The following CROCC2 variants were observed in gnomAD, a reference collection of about 807,000 sequenced individuals.
CROCC2 encodes ciliary rootlet coiled-coil, rootletin family member 2.
Under a neutral mutation model 177.6 loss-of-function variants are expected in CROCC2, and 163 were observed. The observed-to-expected ratio is 0.92, with a 90% CI of 0.81 to 1.05. CROCC2 has a LOEUF of 1.05. Among genes scored for constraint, CROCC2 ranks in the 50% least tolerant of loss-of-function variants. CROCC2 has a pLI of 0.00. For synonymous variants in CROCC2, 904 were observed against 787.3 expected (o/e 1.15, Z -2.48); for missense variants, 1,929 against 1,797.8 (o/e 1.07, Z -1.32).
rs773829040 is a variant in CROCC2 at position 240,989,720 on chromosome 2, C to T, written c.4750C>T (p.Arg1584Trp). 1.2e-5 allele frequency: 18 copies of T among 1,550,376 alleles called. No individual in the cohort carries two copies. The highest frequency in any genetic ancestry group is 1.1e-4 in the South Asian group (9 of 84,050). ...RLQDLTAQHQ[R>W]DLATEAERLH... is the part of the protein sequence containing the mutation. ...CCAGGACCTGACAGCTCAGCACCAG[C>T]GGGACCTGGCCACAGAGGCAGAGCG... Residue 1584 changes from arginine (R) to tryptophan (W), a missense_variant, in exon 30 of 32, where the codon CGG becomes TGG. This residue lies in a region of CROCC2 where 388 missense variants were observed against 352.7 expected (regional missense o/e 1.10). Coordinates refer to ENST00000690015, the MANE Select transcript of CROCC2 (RefSeq NM_001351305.2).
intron 27 of CROCC2, among the ~76,000 whole-genome samples, chr2:240,975,540 G>A (rs950831195): frequency 2.0e-5 from 3 of 152,162 alleles, no homozygotes; most frequent in African/African-American, 4.8e-5. Context: ...TGGATTTGGC[G>A]AGTGTTTATG....
rs997238475 is a variant in CROCC2, at chr2:240,960,603, G to T, written c.3087+1159G>T. On this transcript the variant is annotated intron_variant, in intron 20 of 31. Transcript: ENST00000690015. This position sits in a 1 kb window ranked among gnomAD's most constrained non-coding sequence, Gnocchi z 5.0. ...GCCCCAGCGGGGCCCACGGGGACGG[G>T]GCGACCTCGCACACTCCCTGGGCTG... 1.3e-5 allele frequency among the ~76,000 whole-genome samples: 2 copies of T among 152,138 alleles called. No individual in the cohort carries two copies. Among genetic ancestry groups the T allele is most frequent in the Admixed American group, 1.3e-4 (2 of 15,284 alleles).
In CROCC2 at chr2:240,959,364, A is replaced by G; in HGVS notation, c.3007A>G (p.Thr1003Ala). The change falls in exon 20 of 32, where the codon ACA (threonine) becomes GCA (alanine). Residue 1003 changes from threonine (T) to alanine (A), a missense_variant. This residue lies in a region of CROCC2 where 1,397 missense variants were observed against 1,239.9 expected (regional missense o/e 1.13). Transcript: ENST00000690015. ...CCAGGCCCAGTTTGAGGATGCCATC[A>G]CAGCCCATCAGAGGGAGACCACGGC... is the stretch of plus-strand genomic sequence containing the variant. ...ALQAQFEDAI[T>A]AHQRETTALR... is the part of the protein sequence containing the mutation. 1 of 1,550,576 alleles carries G rather than the reference A, an allele frequency of 6.4e-7. No homozygotes were observed. Among genetic ancestry groups the G allele is most frequent in the Non-Finnish European group, 8.7e-7 (1 of 1,146,980 alleles).
intron 14 of CROCC2, among the ~76,000 whole-genome samples, chr2:240,939,015 A>G (rs2059483543): frequency 6.6e-6 from 1 of 152,048 alleles, no homozygotes; most frequent in African/African-American, 2.4e-5. Context: ...TTCTTATCTT[A>G]TTGCACTAAG....
At position 240,933,700 on chromosome 2, in the gene CROCC2, G is replaced by T; in HGVS notation, c.1494G>T (p.Glu498Asp). The part of the protein sequence containing the change: ...REKAALEMVV[E>D]ELKGKADAAD... ...AGGCTGCTCTGGAGATGGTGGTGGA[G>T]GAGCTGAAAGGGAAGGCAGATGCTG... The change falls in exon 11 of 32, where the codon GAG (glutamate) becomes GAT (aspartate). Residue 498 changes from glutamate (E) to aspartate (D), a missense_variant. This residue lies in a region of CROCC2 where 1,397 missense variants were observed against 1,239.9 expected (regional missense o/e 1.13). Transcript: ENST00000690015. 6.5e-7 allele frequency: 1 copy of T among 1,550,382 alleles called. No homozygotes were observed. Among genetic ancestry groups the T allele is most frequent in the Non-Finnish European group, 8.7e-7 (1 of 1,146,844 alleles).
At chr2:240,968,060 C>A (rs1204101871) in intron 26 of CROCC2, 69 bp from the exon 27 acceptor site, 4 of 1,358,462 alleles carry the variant, frequency 2.9e-6, no homozygotes, top group South Asian at 1.8e-5. Flanking sequence ...GTCCACAGAG[C>A]CCTGCATTGC....
Position 240,919,980 on chromosome 2 carries a change from C to T in CROCC2, c.230-3C>T. On this transcript the variant is annotated splice_polypyrimidine_tract_variant and splice_region_variant and intron_variant, in intron 2 of 31. Transcript: ENST00000690015. ...CACCCAGGCTGACCCAGGTACCGTG[C>T]AGCAGGGGTACAGGAGCCGACAGCC... 1.4e-6 allele frequency: 1 copy of T among 715,452 alleles called. No individual in the cohort carries two copies. The allele number at this position is 715,452 out of a possible 1,614,324, so 44.3% of individuals were successfully genotyped here.
At chr2:240,919,481 C>T (rs1029704867) in intron 2 of CROCC2, among the ~76,000 whole-genome samples, 9 of 152,182 alleles carry the variant, frequency 5.9e-5, no homozygotes, top group African/African-American at 2.2e-4. Context: ...AGCTCCAGGC[C>T]GCCTGTCCTG....
In CROCC2 at chr2:240,918,419, G is replaced by A. The variant is rs529696198; in HGVS notation, c.79-307G>A. Among the ~76,000 whole-genome samples the A allele has an allele frequency of 3.3e-5, 5 of 152,294 alleles. No individual in the cohort carries two copies. The highest frequency in any genetic ancestry group is 9.6e-5 in the African/African-American group (4 of 41,560). ...AGCATCCCCTAGGGAACTGGCAACCGCTTAGCCAGCGCTCAGCCCAGCCCC... is the reference window on the plus strand; with the variant it reads ...AGCATCCCCTAGGGAACTGGCAACCACTTAGCCAGCGCTCAGCCCAGCCCC... On this transcript the variant is annotated intron_variant, in intron 1 of 31. Coordinates refer to ENST00000690015, the MANE Select transcript of CROCC2 (RefSeq NM_001351305.2). The surrounding 1 kb of genome is among the most constrained non-coding windows in gnomAD (Gnocchi z 6.3).
At chr2:240,926,904 G>C (rs892878255) in intron 5 of CROCC2, among the ~76,000 whole-genome samples, 1 of 152,268 alleles carries the variant, frequency 6.6e-6, no homozygotes, top group African/African-American at 2.4e-5. Context: ...CAGATCTCAT[G>C]TTCCCACTGC....
Position 240,982,858 on chromosome 2 carries a change from C to A in CROCC2, c.4402-22C>A, listed in dbSNP as rs1029371347. 65 of 1,541,282 alleles carry A rather than the reference C, an allele frequency of 4.2e-5. No homozygotes were observed. The highest frequency in any genetic ancestry group is 4.8e-5 in the Non-Finnish European group (55 of 1,142,266). On this transcript the variant is annotated intron_variant, in intron 27 of 31. Coordinates refer to ENST00000690015, the MANE Select transcript of CROCC2 (RefSeq NM_001351305.2). This position sits in a 1 kb window ranked among gnomAD's most constrained non-coding sequence, Gnocchi z 4.7. ...CCCACCCCCAGTGTCTCCAGGTGGA[C>A]CCTGTGTCTCCTTCCCCCCAGGAGC...
At chr2:240,940,393 A>G (rs919722702) in intron 14 of CROCC2, among the ~76,000 whole-genome samples, 4 of 152,048 alleles carry the variant, frequency 2.6e-5, no homozygotes, top group Admixed American at 1.3e-4. Flanking sequence ...TTTGATACTG[A>G]TATAGCCACT....
In CROCC2 at chr2:240,930,222, C is replaced by A; in HGVS notation, c.702C>A (p.Ala234=). ...ACCTCCTCCTCCTGTGGAGACAGGC[C>A]GTGGTGCTGGGGACAGACCTGGCCG... The part of the protein sequence containing the change: ...PRDLLLLWRQ[A]VVLGTDLAEL... Residue 234 remains alanine (A), a synonymous_variant, in exon 6 of 32, where the codon GCC becomes GCA. Transcript: ENST00000690015. The A allele has an allele frequency of 1.7e-6, 1 of 597,438 alleles. No homozygotes were observed. Among genetic ancestry groups the A allele is most frequent in the Non-Finnish European group, 3.1e-6 (1 of 325,638 alleles). 37.0% of individuals were successfully genotyped at this position (597,438 alleles called of 1,614,324 possible). A position where few individuals can be genotyped will look rare whatever the true frequency, so the allele number is the denominator to read the frequency against.
At chr2:240,932,256 A>G (rs2059436494) in intron 7 of CROCC2, 62 bp from the exon 8 acceptor site, 1 of 673,108 alleles carries the variant, frequency 1.5e-6, no homozygotes, top group Non-Finnish European at 2.8e-6. Context: ...GAGCCAGGGC[A>G]TGCTTGGGTG....
intron 20 of CROCC2, 37 bp downstream of exon 20, chr2:240,959,481 G>A: frequency 6.5e-7 from 1 of 1,544,594 alleles, no homozygotes. Context: ...GGGGATGCCA[G>A]AGGACAGGAG....
Position 240,963,588 on chromosome 2 carries a change from C to T in CROCC2, c.3120C>T (p.Ala1040=), listed in dbSNP as rs1445417877. The T allele has an allele frequency of 1.3e-6, 2 of 1,546,582 alleles. No homozygotes were observed. The highest frequency in any genetic ancestry group is 2.7e-5 in the African/African-American group (2 of 72,900). ...AERLRAQLTV[A]QEGLAALRQE... Reference sequence around the variant, plus strand: ...GGCTGCGGGCACAGCTGACCGTGGCCCAGGAGGGACTGGCCGCACTGCGCC... The same window carrying T: ...GGCTGCGGGCACAGCTGACCGTGGCTCAGGAGGGACTGGCCGCACTGCGCC... Residue 1040 remains alanine (A), a synonymous_variant, in exon 21 of 32, where the codon GCC becomes GCT. Coordinates refer to ENST00000690015, the MANE Select transcript of CROCC2 (RefSeq NM_001351305.2).
intron 28 of CROCC2, chr2:240,985,892 C>T (rs755136176): frequency 1.1e-5 from 5 of 452,946 alleles, no homozygotes; most frequent in Non-Finnish European, 2.2e-5. Flanking sequence ...GCATGCAGGG[C>T]CCCCACCTGG....
At chr2:240,935,269 A>G (rs1248754353) in intron 13 of CROCC2, 89 bp from the exon 14 acceptor site, 1 of 1,253,400 alleles carries the variant, frequency 8.0e-7, no homozygotes, top group Non-Finnish European at 1.0e-6. Flanking sequence ...GAGGGAAGAC[A>G]GTGCCCCGGG....
At chr2:240,930,818 G>C in intron 6 of CROCC2, 113 bp from the exon 7 acceptor site, 1 of 600,820 alleles carries the variant, frequency 1.7e-6, no homozygotes, top group South Asian at 2.0e-5. Context: ...CATGCAGTGG[G>C]GGCTTCTCCT....
Sources: gnomAD v4.1 joint callset for allele counts (sites outside exome capture counted in the v4.1 genomes callset) on GRCh38, gnomAD v4.1.1 for gene constraint, gnomAD v4.1.1 regional missense constraint, Gnocchi (gnomAD v3.1) non-coding constraint, MANE v1.5 for transcripts, NCBI Gene and HGNC (gene_info 2026-07-23, HGNC 2026-07-21) for gene names.